SDK2: variants seen among roughly 807,000 people sequenced by gnomAD.
The protein encoded by SDK2 is protein sidekick-2.
A neutral mutation model predicts 253.9 loss-of-function variants in SDK2; 105 were observed. The ratio of observed to expected loss-of-function variants is 0.41; its 90% CI spans 0.35 to 0.49. The LOEUF (loss-of-function observed/expected upper bound fraction) is 0.49, where lower values mean the gene tolerates loss of function less well. SDK2 is among the 20% of genes least tolerant of loss of function. The pLI is 0.06. For missense variants in SDK2, 2,608 were observed against 3,003.0 expected, an observed-to-expected ratio of 0.87 and a Z score of 3.07; for synonymous variants, 1,249 against 1,234.9, an observed-to-expected ratio of 1.01 and a Z score of -0.24.
intron 44 of SDK2, among the ~76,000 whole-genome samples, chr17:73,341,831 C>T (rs2062439678): frequency 6.6e-6 from 1 of 152,226 alleles, no homozygotes; most frequent in Admixed American, 6.5e-5. Flanking sequence ...GCCAGACAGT[C>T]TGAAACGCTG....
At chr17:73,483,651 G>A (rs1567799126) in intron 2 of SDK2, among the ~76,000 whole-genome samples, 31 of 39,904 alleles carry the variant, frequency 7.8e-4, no homozygotes, top group African/African-American at 2.3e-3. Context: ...ATGTGTGTGT[G>A]TGTGTGTGTG....
chr17:73,337,969 G>A lies in SDK2; in HGVS notation c.*618C>T. Reference sequence around the variant, plus strand: ...CTTCCTTTTTCTAAATAAACCAAATGCTTGGTGGAGAAGTTGAGCAGGGGA... The same window carrying A: ...CTTCCTTTTTCTAAATAAACCAAATACTTGGTGGAGAAGTTGAGCAGGGGA... On this transcript the variant is annotated 3_prime_UTR_variant, in exon 45 of 45. Coordinates refer to ENST00000392650, the MANE Select transcript of SDK2 (RefSeq NM_001144952.2). 6.5e-6 allele frequency: 1 copy of A among 152,742 alleles called. No individual in the cohort carries two copies. The highest frequency in any genetic ancestry group is 2.4e-5 in the African/African-American group (1 of 41,462). The allele number at this position is 152,742 out of a possible 1,614,324, so 9.5% of individuals were successfully genotyped here.
At position 73,534,675 on chromosome 17, in the gene SDK2, C is replaced by G. The variant is rs1346235475; in HGVS notation, c.65-27078G>C. ...CTCTGGTGAGGAGGTGTGACTGCAT[C>G]CTAGAGGTCTCTGCAGCCTGGGATT... is the stretch of plus-strand genomic sequence containing the variant. On this transcript the variant is annotated intron_variant, in intron 1 of 44. Transcript: ENST00000392650. This position sits in a 1 kb window ranked among gnomAD's most constrained non-coding sequence, Gnocchi z 4.9. 6.6e-6 allele frequency among the ~76,000 whole-genome samples: 1 copy of G among 152,116 alleles called. No homozygotes were observed. Among genetic ancestry groups the G allele is most frequent in the East Asian group, 1.9e-4 (1 of 5,188 alleles).
At chr17:73,389,435 C>T (rs75785464) in intron 29 of SDK2, among the ~76,000 whole-genome samples, 31,613 of 152,022 alleles carry the variant, frequency 0.21, 3,489 homozygotes, top group Middle Eastern at 0.38. Flanking sequence ...CCACCTGCCT[C>T]GGCCTCCCAA....
In SDK2 at chr17:73,383,550, C is replaced by T. The variant is rs977851270; in HGVS notation, c.4705+326G>A. Among the ~76,000 whole-genome samples, 44 of 152,302 alleles carry T rather than the reference C, an allele frequency of 2.9e-4. No homozygotes were observed. The highest frequency in any genetic ancestry group is 1.0e-3 in the African/African-American group (42 of 41,558). ...AGCGCCAGTGCTGGTGCCGGGGAAGCCTTGCCTGTCCCTGGCTTTAGGTCC... is the reference window on the plus strand; with the variant it reads ...AGCGCCAGTGCTGGTGCCGGGGAAGTCTTGCCTGTCCCTGGCTTTAGGTCC... On this transcript the variant is annotated intron_variant, in intron 33 of 44. Transcript: ENST00000392650. The surrounding 1 kb of genome is among the most constrained non-coding windows in gnomAD (Gnocchi z 4.3).
chr17:73,462,984 A>G (rs1210512963), intron 3 of SDK2, among the ~76,000 whole-genome samples: 1 of 152,216 alleles, frequency 6.6e-6, no homozygotes, highest in East Asian at 1.9e-4. Flanking sequence ...ACTGAACCAC[A>G]GCAGCAAGAG....
chr17:73,425,229 CA>C (rs2063271286), intron 12 of SDK2, among the ~76,000 whole-genome samples: 1 of 151,814 alleles, frequency 6.6e-6, no homozygotes, highest in Non-Finnish European at 1.5e-5. Context: ...CAAAAACACA[CA>C]AAAAGCCCCC....
intron 1 of SDK2, among the ~76,000 whole-genome samples, chr17:73,510,210 T>G (rs1196608749): frequency 6.6e-6 from 1 of 152,070 alleles, no homozygotes; most frequent in Non-Finnish European, 1.5e-5. Flanking sequence ...CAGGTAGAGA[T>G]TCACAACTTA....
At chr17:73,600,668 C>T (rs188886297) in intron 1 of SDK2, among the ~76,000 whole-genome samples, 21 of 152,344 alleles carry the variant, frequency 1.4e-4, no homozygotes, top group Admixed American at 1.1e-3. Context: ...GCCATCCAGT[C>T]GATGCGGACA....
At chr17:73,404,786 TG>T (rs772954976) in intron 18 of SDK2, among the ~76,000 whole-genome samples, 25 of 152,252 alleles carry the variant, frequency 1.6e-4, no homozygotes, top group African/African-American at 2.6e-4. Flanking sequence ...AAGGCTCGGG[TG>T]TGTTCTGGGG....
At chr17:73,357,661 C>T (rs1327023972) in intron 40 of SDK2, 13 of 303,374 alleles carry the variant, frequency 4.3e-5, no homozygotes, top group Non-Finnish European at 6.2e-5. Flanking sequence ...GAGGCTGGTA[C>T]GATTATAGCA....
In SDK2 at chr17:73,455,498, C is replaced by G. The variant is rs755127850; in HGVS notation, c.479+408G>C. The stretch of plus-strand genomic sequence containing the variant: ...CACCAGTAAACACCCTGCCAACGGA[C>G]GCGCCCAGGGCCTCCCGGCTGCCCA... On this transcript the variant is annotated intron_variant, in intron 4 of 44. Transcript: ENST00000392650. The surrounding 1 kb of genome is among the most constrained non-coding windows in gnomAD (Gnocchi z 5.0). 4.6e-5 allele frequency among the ~76,000 whole-genome samples: 7 copies of G among 152,202 alleles called. No homozygotes were observed. Among genetic ancestry groups the G allele is most frequent in the African/African-American group, 1.7e-4 (7 of 41,438 alleles).
At chr17:73,602,903 T>C (rs1287341326) in intron 1 of SDK2, among the ~76,000 whole-genome samples, 3 of 152,122 alleles carry the variant, frequency 2.0e-5, no homozygotes, top group Non-Finnish European at 2.9e-5. Flanking sequence ...TTTTTGTATT[T>C]TAGTAAAGAC....
rs1309878926 is a variant in SDK2 at position 73,516,523 on chromosome 17, GC to G, written c.65-8927del. On this transcript the variant is annotated intron_variant, in intron 1 of 44. Coordinates refer to ENST00000392650, the MANE Select transcript of SDK2 (RefSeq NM_001144952.2). ...CCAGCCAGGGCCCCAGAGCACCCTA[GC>G]CCCCTCCCCTTGGATTCCCTCCTCC... 3.3e-5 allele frequency: 5 copies of G among 152,532 alleles called. No homozygotes were observed. The East Asian group carries it at 9.6e-4, about 29-fold the overall frequency. 9.4% of individuals were successfully genotyped at this position (152,532 alleles called of 1,614,324 possible).
chr17:73,604,331 T>C (rs1288232634), intron 1 of SDK2, among the ~76,000 whole-genome samples: 1 of 152,184 alleles, frequency 6.6e-6, no homozygotes, highest in Non-Finnish European at 1.5e-5. Flanking sequence ...ACCACCCCCT[T>C]GTCCTTCGCA....
intron 12 of SDK2, among the ~76,000 whole-genome samples, chr17:73,428,512 C>A (rs1386563308): frequency 2.0e-5 from 3 of 152,128 alleles, no homozygotes; most frequent in South Asian, 2.1e-4. Context: ...TTGTTGAGAT[C>A]CTTTCTATTA....
chr17:73,396,566 A>G (rs1001885297), intron 24 of SDK2, among the ~76,000 whole-genome samples: 3 of 152,188 alleles, frequency 2.0e-5, no homozygotes, highest in African/African-American at 7.2e-5. Context: ...GACCATTAAG[A>G]TAGCAATCGA....
Position 73,395,020 on chromosome 17 carries a change from A to AT in SDK2, c.3592+134_3592+135insA, listed in dbSNP as rs1169502697. On this transcript the variant is annotated intron_variant, in intron 25 of 44. Coordinates refer to ENST00000392650, the MANE Select transcript of SDK2 (RefSeq NM_001144952.2). The surrounding 1 kb of genome is among the most constrained non-coding windows in gnomAD (Gnocchi z 4.3). Reference sequence around the variant, plus strand: ...AGGCGGCAACATCATTGTGACATTGAGCATAAGCAGAGGAAATGAGCTCAG... The same window carrying AT: ...AGGCGGCAACATCATTGTGACATTGATGCATAAGCAGAGGAAATGAGCTCAG... 5.0e-5 allele frequency: 33 copies of AT among 661,896 alleles called. No homozygotes were observed. Among genetic ancestry groups the AT allele is most frequent in the Non-Finnish European group, 7.8e-5 (30 of 384,732 alleles). 41.0% of individuals were successfully genotyped at this position (661,896 alleles called of 1,614,324 possible). A position where few individuals can be genotyped will look rare whatever the true frequency, so the allele number is the denominator to read the frequency against.
chr17:73,455,382 T>C lies in SDK2; in HGVS notation c.479+524A>G, dbSNP rs1050008116. On this transcript the variant is annotated intron_variant, in intron 4 of 44. Transcript: ENST00000392650. This position sits in a 1 kb window ranked among gnomAD's most constrained non-coding sequence, Gnocchi z 5.0. ...TCCCAGGGGGCACACAGAGACGGCC[T>C]TGTGAACACTCAGAGGCCTGTGTGT... Among the ~76,000 whole-genome samples the C allele has an allele frequency of 1.3e-5, 2 of 152,098 alleles. No individual in the cohort carries two copies. Among genetic ancestry groups the C allele is most frequent in the African/African-American group, 4.8e-5 (2 of 41,428 alleles).
Sources: gnomAD v4.1 joint callset for allele counts (sites outside exome capture counted in the v4.1 genomes callset) on GRCh38, gnomAD v4.1.1 for gene constraint, Gnocchi (gnomAD v3.1) non-coding constraint, MANE v1.5 for transcripts, NCBI Gene and HGNC (gene_info 2026-07-23, HGNC 2026-07-21) for gene names.